CATSPERD: variants seen among roughly 807,000 people sequenced by gnomAD.
CATSPERD encodes catsper channel auxiliary subunit delta.
Under a neutral mutation model 98.1 loss-of-function variants are expected in CATSPERD, and 86 were observed. The ratio of observed to expected loss-of-function variants is 0.88; its 90% CI spans 0.74 to 1.05. The LOEUF (loss-of-function observed/expected upper bound fraction) is 1.05, where lower values mean the gene tolerates loss of function less well. Ranked by LOEUF, CATSPERD falls within the 50% of genes least tolerant of loss-of-function variation. The pLI is 0.00. For missense variants in CATSPERD, 995 were observed against 1,005.7 expected, an observed-to-expected ratio of 0.99 and a Z score of 0.14; for synonymous variants, 394 against 390.2, an observed-to-expected ratio of 1.01 and a Z score of -0.12.
intron 3 of CATSPERD, among the ~76,000 whole-genome samples, chr19:5,728,424 G>A (rs1053811396): frequency 6.6e-6 from 1 of 151,592 alleles, no homozygotes; most frequent in African/African-American, 2.4e-5. Flanking sequence ...GGGTGGCAGT[G>A]TGCACCTGTA....
At chr19:5,742,577 T>A (rs2145743387) in intron 7 of CATSPERD, among the ~76,000 whole-genome samples, 1 of 150,862 alleles carries the variant, frequency 6.6e-6, no homozygotes, top group Admixed American at 6.6e-5. Context: ...AGCTCAGGAG[T>A]TCAAGACCAG....
chr19:5,724,838 T>A lies in CATSPERD; in HGVS notation c.102T>A (p.Phe34Leu), dbSNP rs778972221. 2 of 1,614,074 alleles carry A rather than the reference T, an allele frequency of 1.2e-6. No homozygotes were observed. Among genetic ancestry groups the A allele is most frequent in the Non-Finnish European group, 8.5e-7 (1 of 1,179,936 alleles). Residue 34 changes from phenylalanine (F) to leucine (L), a missense_variant, in exon 2 of 22, where the codon TTT becomes TTA. Around this residue, in one of 3 missense-constraint regions of CATSPERD, gnomAD observed 228 missense variants for 209.6 expected, o/e 1.09. Coordinates refer to ENST00000381624, the MANE Select transcript of CATSPERD (RefSeq NM_152784.4). ...GCACAGTGAGGACAGGAAAAGTGTT[T>A]AATCTGATACAGGACGTTCAAGGGG... ...RSRTVRTGKVFNLIQDVQGDR... is the reference protein window; with the variant it reads ...RSRTVRTGKVLNLIQDVQGDR...
Position 5,739,332 on chromosome 19 carries a change from A to G in CATSPERD, c.466A>G (p.Ser156Gly). The change falls in exon 7 of 22, where the codon AGT becomes GGT. Residue 156 changes from serine to glycine, a missense_variant. By Grantham distance (56) the Ser-to-Gly change is moderately conservative. Around this residue, in one of 3 missense-constraint regions of CATSPERD, gnomAD observed 228 missense variants for 209.6 expected, o/e 1.09. Coordinates refer to ENST00000381624, the MANE Select transcript of CATSPERD (RefSeq NM_152784.4). ...YTGSLFCVHV[S>G]NLVFAYFRGD... ...TTCTTTTTTTTTTTTATAGCATGTC[A>G]GTAATTTGGTTTTTGCATATTTCCG... 2.0e-6 allele frequency: 3 copies of G among 1,497,536 alleles called. No individual in the cohort carries two copies. Among genetic ancestry groups the G allele is most frequent in the South Asian group, 1.2e-5 (1 of 84,902 alleles). 92.8% of individuals were successfully genotyped at this position (1,497,536 alleles called of 1,614,324 possible). A position where few individuals can be genotyped will look rare whatever the true frequency, so the allele number is the denominator to read the frequency against.
intron 11 of CATSPERD, among the ~76,000 whole-genome samples, chr19:5,751,428 G>C (rs1191125346): frequency 7.0e-6 from 1 of 142,134 alleles, no homozygotes; most frequent in Non-Finnish European, 1.5e-5. Flanking sequence ...CAGCTACTCG[G>C]GAGGCTGAGG....
chr19:5,761,825 C>A (rs1372768558), intron 15 of CATSPERD, among the ~76,000 whole-genome samples: 1 of 151,302 alleles, frequency 6.6e-6, no homozygotes, highest in Non-Finnish European at 1.5e-5. Flanking sequence ...GCCTCAGCCT[C>A]CCAAGTAGCT....
At position 5,745,911 on chromosome 19, in the gene CATSPERD, A is replaced by C; in HGVS notation, c.658-2A>C. On this transcript the variant is annotated splice_acceptor_variant, in intron 8 of 21. Coordinates refer to ENST00000381624, the MANE Select transcript of CATSPERD (RefSeq NM_152784.4). LOFTEE classifies it high-confidence loss of function. ...AGGCTGAATGGTGTCTTTTTCTCCC[A>C]GGGCATGTTCAAGTACTCAGATCAC... The C allele has an allele frequency of 6.2e-7, 1 of 1,613,802 alleles. No homozygotes were observed. Among genetic ancestry groups the C allele is most frequent in the Non-Finnish European group, 8.5e-7 (1 of 1,179,912 alleles).
chr19:5,746,369 C>T (rs777478227), intron 9 of CATSPERD, among the ~76,000 whole-genome samples: 4 of 152,138 alleles, frequency 2.6e-5, no homozygotes, highest in Non-Finnish European at 5.9e-5. Context: ...GGGAAAAACG[C>T]CAGTCAGACA....
In CATSPERD at chr19:5,754,128, CTAGA is replaced by C; in HGVS notation, c.1166_1169del (p.Ile389SerfsTer3). 2.5e-6 allele frequency: 4 copies of C among 1,582,428 alleles called. No homozygotes were observed. In the East Asian group the frequency reaches 8.9e-5, roughly 35 times the overall value. The stretch of plus-strand genomic sequence containing the variant: ...TTATCTTTCTTCTTCGCCTTTTTAA[CTAGA>C]TAGAGTTTCTGACAGGAGAATTTAT... On this transcript the variant is annotated splice_acceptor_variant and splice_polypyrimidine_tract_variant and coding_sequence_variant and intron_variant, in exon 13 of 22. Coordinates refer to ENST00000381624, the MANE Select transcript of CATSPERD (RefSeq NM_152784.4). LOFTEE classifies it high-confidence loss of function.
intron 10 of CATSPERD, among the ~76,000 whole-genome samples, chr19:5,748,623 CAAAAA>C (rs1179884868): frequency 2.0e-5 from 1 of 50,470 alleles, no homozygotes; most frequent in Non-Finnish European, 4.0e-5. Context: ...AGTGAGACTC[CAAAAA>C]AAAAAAAAAA....
At position 5,739,652 on chromosome 19, in the gene CATSPERD, C is replaced by A. The variant is rs900185846; in HGVS notation, c.573+213C>A. Reference sequence around the variant, plus strand: ...TTTGAGACCGGCCTGGGTGACATGGCAAGACCCCATCTCTACAAAAAATAA... The same window carrying A: ...TTTGAGACCGGCCTGGGTGACATGGAAAGACCCCATCTCTACAAAAAATAA... On this transcript the variant is annotated intron_variant, in intron 7 of 21. Transcript: ENST00000381624. 2.6e-5 allele frequency among the ~76,000 whole-genome samples: 4 copies of A among 151,044 alleles called. No homozygotes were observed. The Admixed American group carries it at 2.7e-4, about 10-fold the overall frequency.
intron 1 of CATSPERD, among the ~76,000 whole-genome samples, chr19:5,722,384 G>A (rs1419830174): frequency 1.3e-5 from 2 of 152,160 alleles, no homozygotes; most frequent in African/African-American, 2.4e-5. Flanking sequence ...GCCTCCCAAC[G>A]TGCTGGGCTT....
chr19:5,754,801 C>G (rs372001981), intron 13 of CATSPERD, among the ~76,000 whole-genome samples: 25 of 152,000 alleles, frequency 1.6e-4, no homozygotes, highest in African/African-American at 6.0e-4. Context: ...GTCTCTGTGC[C>G]TCCTCCATCC....
intron 15 of CATSPERD, among the ~76,000 whole-genome samples, chr19:5,761,117 A>G (rs1214029513): frequency 6.6e-6 from 1 of 150,558 alleles, no homozygotes; most frequent in African/African-American, 2.4e-5. Flanking sequence ...GCTCACTGCA[A>G]CCTCCGCCTC....
chr19:5,727,160 A>G, intron 2 of CATSPERD, 108 bp from the exon 3 acceptor site: 1 of 762,148 alleles, frequency 1.3e-6, no homozygotes, highest in South Asian at 1.6e-5. Context: ...GTGCAACTGC[A>G]CTCCAGCCTG....
intron 21 of CATSPERD, among the ~76,000 whole-genome samples, chr19:5,776,698 A>AC (rs1277275768): frequency 2.6e-5 from 4 of 151,850 alleles, no homozygotes; most frequent in Non-Finnish European, 5.9e-5. Flanking sequence ...ACCTGGTGAA[A>AC]CCCCGTCTCT....
rs559683995 is a variant in CATSPERD, at chr19:5,771,042, A to T, written c.1733A>T (p.Tyr578Phe). Residue 578 changes from tyrosine (Y) to phenylalanine (F), a missense_variant, in exon 19 of 22, where the codon TAT becomes TTT. Transcript: ENST00000381624. ...QQLGCPLLVY[Y>F]DTLWKPVVEL... Reference sequence around the variant, plus strand: ...CTGGGCTGTCCTCTCCTCGTCTACTATGACACCCTATGGAAGCCCGTGGTG... The same window carrying T: ...CTGGGCTGTCCTCTCCTCGTCTACTTTGACACCCTATGGAAGCCCGTGGTG... 25 of 1,613,938 alleles carry T rather than the reference A, an allele frequency of 1.5e-5. No individual in the cohort carries two copies. Among genetic ancestry groups the T allele is most frequent in the African/African-American group, 9.3e-5 (7 of 74,998 alleles).
intron 5 of CATSPERD, among the ~76,000 whole-genome samples, chr19:5,734,367 C>T (rs1253292805): frequency 1.3e-5 from 2 of 151,124 alleles, no homozygotes; most frequent in African/African-American, 2.4e-5. Flanking sequence ...GGCTGAGTGC[C>T]GTGGCTCACG....
Position 5,762,759 on chromosome 19 carries a change from T to C in CATSPERD, c.1428-456T>C, listed in dbSNP as rs950944348. 4.0e-5 allele frequency among the ~76,000 whole-genome samples: 6 copies of C among 148,282 alleles called. No homozygotes were observed. The South Asian group carries it at 6.4e-4, about 16-fold the overall frequency. ...ATAGAGAGATGGATGGGTGGATGGA[T>C]GGATGGATAGGTGGGTGGGTGGAAT... On this transcript the variant is annotated intron_variant, in intron 15 of 21. Transcript: ENST00000381624.
chr19:5,734,099 C>A, intron 5 of CATSPERD, 129 bp downstream of exon 5: 1 of 604,714 alleles, frequency 1.7e-6, no homozygotes, highest in Non-Finnish European at 2.8e-6. Context: ...TTGTCCTTTC[C>A]AACCAAAATG....
Sources: allele counts gnomAD v4.1 joint callset (sites outside exome capture counted in the v4.1 genomes callset), GRCh38; gene constraint gnomAD v4.1.1; regional missense constraint gnomAD v4.1.1; transcripts MANE v1.5; gene names NCBI Gene and HGNC (gene_info 2026-07-23, HGNC 2026-07-21).